The following SUGP1 variants were observed in gnomAD, a reference collection of about 807,000 sequenced individuals.
The protein encoded by SUGP1 is SURP and G-patch domain containing 1.
SUGP1 carries 34 observed loss-of-function variants against 76.5 expected under a neutral mutation model. The ratio of observed to expected loss-of-function variants is 0.44; its 90% CI spans 0.34 to 0.59. SUGP1 has a LOEUF of 0.59. Among genes scored for constraint, SUGP1 ranks in the 20% least tolerant of loss-of-function variants. The pLI, the probability that SUGP1 is intolerant of heterozygous loss-of-function variation, is 0.01. For synonymous variants in SUGP1, 326 were observed against 326.2 expected (o/e 1.00, Z 0.01); for missense variants, 752 against 851.7 (o/e 0.88, Z 1.46).
chr19:19,319,638 C>T (rs1568640726), intron 1 of SUGP1, among the ~76,000 whole-genome samples: 1 of 143,174 alleles, frequency 7.0e-6, no homozygotes, highest in African/African-American at 2.6e-5. Context: ...GTGGGAGGAT[C>T]ACCTGAACCC....
intron 8 of SUGP1, among the ~76,000 whole-genome samples, chr19:19,290,264 G>C (rs2146601389): frequency 6.6e-6 from 1 of 152,296 alleles, no homozygotes; most frequent in South Asian, 2.1e-4. Context: ...GGAAGGAGCA[G>C]AAACTGGTTA....
At chr19:19,316,139 CAG>C (rs1413730163) in intron 2 of SUGP1, 2 of 348,998 alleles carry the variant, frequency 5.7e-6, no homozygotes, top group Non-Finnish European at 1.0e-5. Flanking sequence ...GAACTCAAGG[CAG>C]AGATTTTTAC....
Position 19,279,293 on chromosome 19 carries a change from T to C in SUGP1, c.1448A>G (p.Tyr483Cys), listed in dbSNP as rs950565750. The C allele has an allele frequency of 1.9e-6, 3 of 1,607,092 alleles. No individual in the cohort carries two copies. Among genetic ancestry groups the C allele is most frequent in the East Asian group, 2.2e-5 (1 of 44,496 alleles). Residue 483 changes from tyrosine to cysteine, a missense_variant, in exon 10 of 14, where the codon TAT (tyrosine) becomes TGT (cysteine). Tyr to Cys is a radical substitution (Grantham distance 194). Around this residue, in one of 2 missense-constraint regions of SUGP1, gnomAD observed 132 missense variants for 234.4 expected, o/e 0.56. Transcript: ENST00000247001. ...EKAVQQHQHG[Y>C]DSDEEVDSEL... ...GCTGTCCACCTCCTCATCACTGTCA[T>C]AGCCGTGCTGGTGCTGTTGGACTGC...
At chr19:19,310,291 C>T (rs368695369) in intron 2 of SUGP1, 91 bp from the exon 3 acceptor site, 164 of 976,354 alleles carry the variant, frequency 1.7e-4, no homozygotes, top group Middle Eastern at 1.0e-3. Context: ...GCCATCACCT[C>T]GTCCATCATG....
rs1279126542 is a variant in SUGP1, at chr19:19,291,889, T to TCTCA, written c.1243+5099_1243+5100insTGAG. Reference sequence around the variant, plus strand: ...GCCTGGGTGACAGAGTGAGACTCTGTCACACACACACACACACACACACAC... The same window carrying TCTCA: ...GCCTGGGTGACAGAGTGAGACTCTGTCTCACACACACACACACACACACACACAC... On this transcript the variant is annotated intron_variant, in intron 8 of 13. Coordinates refer to ENST00000247001, the MANE Select transcript of SUGP1 (RefSeq NM_172231.4). 1.7e-3 allele frequency among the ~76,000 whole-genome samples: 221 copies of TCTCA among 128,712 alleles called. 1 individual carries two copies. The East Asian group carries it at 0.028, about 16-fold the overall frequency. The allele number at this position is 128,712 out of a possible 152,430, so 84.4% of individuals were successfully genotyped here.
chr19:19,282,398 A>G (rs2061105400), intron 8 of SUGP1, among the ~76,000 whole-genome samples: 1 of 151,296 alleles, frequency 6.6e-6, no homozygotes, highest in Non-Finnish European at 1.5e-5. Context: ...CAGGAGTTTG[A>G]GACTAGCCTA....
chr19:19,293,520 G>A (rs557189789), intron 8 of SUGP1, among the ~76,000 whole-genome samples: 5 of 151,790 alleles, frequency 3.3e-5, no homozygotes, highest in Non-Finnish European at 5.9e-5. Flanking sequence ...GGAGGCAGAG[G>A]TTGCAGTGAG....
At chr19:19,286,612 G>A (rs1231494960) in intron 8 of SUGP1, among the ~76,000 whole-genome samples, 1 of 152,178 alleles carries the variant, frequency 6.6e-6, no homozygotes, top group Non-Finnish European at 1.5e-5. Context: ...CTGGACATGG[G>A]TGGCTCATGT....
intron 1 of SUGP1, among the ~76,000 whole-genome samples, chr19:19,319,047 G>T (rs939219308): frequency 1.8e-5 from 2 of 109,538 alleles, no homozygotes; most frequent in Non-Finnish European, 4.2e-5. Flanking sequence ...GTGATACCCC[G>T]TCTCTACTAA....
intron 6 of SUGP1, 85 bp downstream of exon 6, chr19:19,303,263 G>T: frequency 8.6e-7 from 1 of 1,163,622 alleles, no homozygotes; most frequent in Non-Finnish European, 1.3e-6. Flanking sequence ...TGCCACTCCA[G>T]CACCTCCAGG....
intron 7 of SUGP1, among the ~76,000 whole-genome samples, chr19:19,300,050 T>A (rs772342505): frequency 6.6e-6 from 1 of 151,888 alleles, no homozygotes; most frequent in African/African-American, 2.4e-5. Context: ...AGTGCTGGGA[T>A]TACAGGTGTG....
chr19:19,294,465 CA>C (rs1405579947), intron 8 of SUGP1, among the ~76,000 whole-genome samples: 1 of 136,038 alleles, frequency 7.4e-6, no homozygotes, highest in Non-Finnish European at 1.5e-5. Context: ...GTCGAGGCTG[CA>C]GTGAGTAGCC....
chr19:19,284,245 A>G (rs2061122284), intron 8 of SUGP1, among the ~76,000 whole-genome samples: 1 of 152,350 alleles, frequency 6.6e-6, no homozygotes, highest in Non-Finnish European at 1.5e-5. Context: ...CAGTCAGCCT[A>G]GAGTGTGCCA....
rs775970861 is a variant in SUGP1 at position 19,306,033 on chromosome 19, G to A, written c.354C>T (p.Thr118=). 6.2e-7 allele frequency: 1 copy of A among 1,610,614 alleles called. No individual in the cohort carries two copies. Among genetic ancestry groups the A allele is most frequent in the South Asian group, 1.1e-5 (1 of 90,908 alleles). Residue 118 remains threonine (T), a synonymous_variant, in exon 4 of 14, where the codon ACC becomes ACT. Coordinates refer to ENST00000247001, the MANE Select transcript of SUGP1 (RefSeq NM_172231.4). ...GCAGGGACCTCTTCCCAGCGCTGGG[G>A]GTGGGTGTGCTGGGAGGGGCGCTGG... ...SAPSAPPSTP[T]PSAGKRSLLI... is the part of the protein sequence containing the mutation.
chr19:19,313,115 C>T (rs895618439), intron 2 of SUGP1, among the ~76,000 whole-genome samples: 3 of 152,108 alleles, frequency 2.0e-5, no homozygotes, highest in Non-Finnish European at 1.5e-5. Context: ...TTACAAAGGC[C>T]GGGTGCGGGA....
At chr19:19,306,431 T>G (rs573083788) in intron 3 of SUGP1, among the ~76,000 whole-genome samples, 1 of 152,244 alleles carries the variant, frequency 6.6e-6, no homozygotes, top group South Asian at 2.1e-4. Context: ...ACCATTCCCT[T>G]GGAGGTCTGT....
intron 7 of SUGP1, among the ~76,000 whole-genome samples, chr19:19,299,060 C>T (rs1196913868): frequency 3.3e-5 from 5 of 152,214 alleles, no homozygotes; most frequent in East Asian, 3.8e-4. Flanking sequence ...TGGAACTAAT[C>T]CCACCCTGAA....
intron 7 of SUGP1, among the ~76,000 whole-genome samples, chr19:19,301,355 A>G (rs1282152446): frequency 6.6e-6 from 1 of 151,808 alleles, no homozygotes; most frequent in Admixed American, 6.6e-5. Context: ...CCCTGTTCCC[A>G]GCCCCCATGT....
In SUGP1 at chr19:19,277,722, G is replaced by A; in HGVS notation, c.1781+12C>T. The A allele has an allele frequency of 1.2e-6, 2 of 1,613,220 alleles. No individual in the cohort carries two copies. Among genetic ancestry groups the A allele is most frequent in the Non-Finnish European group, 8.5e-7 (1 of 1,179,512 alleles). ...AGTTCATGGCCATGCCCTCCCACAA[G>A]GCCACACTCACTTGTTCACTGGGTT... On this transcript the variant is annotated intron_variant, in intron 12 of 13. Coordinates refer to ENST00000247001, the MANE Select transcript of SUGP1 (RefSeq NM_172231.4).
Sources: gnomAD v4.1 joint callset for allele counts (sites outside exome capture counted in the v4.1 genomes callset) on GRCh38, gnomAD v4.1.1 for gene constraint, gnomAD v4.1.1 regional missense constraint, MANE v1.5 for transcripts, NCBI Gene and HGNC (gene_info 2026-07-23, HGNC 2026-07-21) for gene names.